The following CBL variants were observed in gnomAD, a reference collection of about 807,000 sequenced individuals.
CBL encodes the protein E3 ubiquitin-protein ligase CBL.
A neutral mutation model predicts 96.9 loss-of-function variants in CBL; 45 were observed. The observed-to-expected ratio is 0.46, with a 90% confidence interval of 0.37 to 0.60. The LOEUF is 0.60. CBL is among the 20% of genes least tolerant of loss of function. The pLI, the probability that CBL is intolerant of heterozygous loss-of-function variation, is 0.00. For missense variants in CBL, 1,024 were observed against 1,143.5 expected (o/e 0.90, Z 1.51); for synonymous variants, 420 against 426.8 (o/e 0.98, Z 0.20).
rs1449608053 is a variant in CBL at position 119,300,717 on chromosome 11, A to G, written c.*936A>G. The G allele has an allele frequency of 6.3e-5, 25 of 396,696 alleles. No individual in the cohort carries two copies. Among genetic ancestry groups the G allele is most frequent in the Non-Finnish European group, 1.3e-5 (3 of 225,214 alleles). The allele number at this position is 396,696 out of a possible 1,614,324, so 24.6% of individuals were successfully genotyped here. ...AATACATTCCATGCCCTCCCCAGAA[A>G]ATAGTCTGTGGGAGTCAGTTGCCTT... is the stretch of plus-strand genomic sequence containing the variant. On this transcript the variant is annotated 3_prime_UTR_variant, in exon 16 of 16. Coordinates refer to ENST00000264033, the MANE Select transcript of CBL (RefSeq NM_005188.4).
At chr11:119,254,636 C>T (rs1017960081) in intron 2 of CBL, among the ~76,000 whole-genome samples, 1 of 151,854 alleles carries the variant, frequency 6.6e-6, no homozygotes, top group Non-Finnish European at 1.5e-5. Context: ...GAGTCTCGTC[C>T]TGTCGCCCAG....
chr11:119,275,946 A>G, intron 5 of CBL, 51 bp from the exon 6 acceptor site: 1 of 1,572,670 alleles, frequency 6.4e-7, no homozygotes, highest in Non-Finnish European at 8.8e-7. Flanking sequence ...CTTGCCTTCC[A>G]CCGTAATACC....
rs1233936885 is a variant in CBL at position 119,306,255 on chromosome 11, A to G, written c.*6474A>G. 4 of 398,500 alleles carry G rather than the reference A, an allele frequency of 1.0e-5. No homozygotes were observed. Among genetic ancestry groups the G allele is most frequent in the Admixed American group, 4.4e-5 (1 of 22,708 alleles). 24.7% of individuals were successfully genotyped at this position (398,500 alleles called of 1,614,324 possible). A position where few individuals can be genotyped will look rare whatever the true frequency, so the allele number is the denominator to read the frequency against. On this transcript the variant is annotated 3_prime_UTR_variant, in exon 16 of 16. Coordinates refer to ENST00000264033, the MANE Select transcript of CBL (RefSeq NM_005188.4). ...CCTTCCTGGGTACAGAGCTTGAGAA[A>G]AATGCAGCCGACCACTCCCTGTGTT... is the stretch of plus-strand genomic sequence containing the variant.
Position 119,289,640 on chromosome 11 carries a change from C to G in CBL, c.2036+1694C>G, listed in dbSNP as rs370194651. 3.3e-5 allele frequency: 5 copies of G among 151,532 alleles called. No individual in the cohort carries two copies. In the South Asian group the frequency reaches 6.2e-4, roughly 19 times the overall value. 9.4% of individuals were successfully genotyped at this position (151,532 alleles called of 1,614,324 possible). A position where few individuals can be genotyped will look rare whatever the true frequency, so the allele number is the denominator to read the frequency against. ...ATAATCATGGTAATCATCTCTGTAT[C>G]GTTCCAGTTGTAGTGTATGAGCTGC... On this transcript the variant is annotated intron_variant, in intron 12 of 15. Transcript: ENST00000264033.
intron 2 of CBL, among the ~76,000 whole-genome samples, chr11:119,243,614 A>G (rs1024881106): frequency 1.3e-5 from 2 of 152,092 alleles, no homozygotes; most frequent in African/African-American, 4.8e-5. Context: ...TTTTGTAGAA[A>G]GTATTTTAAA....
chr11:119,231,699 ACT>A (rs1949502867), intron 1 of CBL, among the ~76,000 whole-genome samples: 1 of 151,946 alleles, frequency 6.6e-6, no homozygotes, highest in Non-Finnish European at 1.5e-5. Context: ...GAAGAGTGAA[ACT>A]CTGTCTCAAA....
intron 1 of CBL, among the ~76,000 whole-genome samples, chr11:119,223,412 GTTATGTTATGTTA>G (rs994957317): frequency 6.7e-6 from 1 of 149,676 alleles, no homozygotes; most frequent in African/African-American, 2.4e-5. Context: ...ATTATGTTAT[GTTATGTTATGTTA>G]TTATGTTATG....
rs570993027 is a variant in CBL at position 119,279,483 on chromosome 11, G to GC, written c.1431+778dup. On this transcript the variant is annotated intron_variant, in intron 9 of 15. Coordinates refer to ENST00000264033, the MANE Select transcript of CBL (RefSeq NM_005188.4). ...GTATCTTTACCACCACTGCCCCCAT[G>GC]CCCCCCCCTAAAAAAAAAAATAGCT... is the stretch of plus-strand genomic sequence containing the variant. Among the ~76,000 whole-genome samples, 575 of 125,898 alleles carry GC rather than the reference G, an allele frequency of 4.6e-3. 1 individual carries two copies. Among genetic ancestry groups the GC allele is most frequent in the Non-Finnish European group, 7.0e-3 (443 of 63,078 alleles). 82.6% of individuals were successfully genotyped at this position (125,898 alleles called of 152,430 possible).
Position 119,278,686 on chromosome 11 carries a change from C to G in CBL, c.1404C>G (p.Phe468Leu). Residue 468 changes from phenylalanine to leucine, a missense_variant, in exon 9 of 16, where the codon TTC becomes TTG. Phe to Leu is a conservative substitution (Grantham distance 22, BLOSUM62 0). Around this residue, in one of 4 missense-constraint regions of CBL, gnomAD observed 695 missense variants for 661.6 expected, o/e 1.05. Transcript: ENST00000264033. ...ATGAACGAGCTGATGATACTCTCTT[C>G]ATGATGAAGGAATTGGCTGGTGCCA... is the stretch of plus-strand genomic sequence containing the variant. ...DDDERADDTL[F>L]MMKELAGAKV... 1 of 1,614,054 alleles carries G rather than the reference C, an allele frequency of 6.2e-7. No individual in the cohort carries two copies. The highest frequency in any genetic ancestry group is 8.5e-7 in the Non-Finnish European group (1 of 1,180,008).
chr11:119,230,828 A>C (rs1412813553), intron 1 of CBL, among the ~76,000 whole-genome samples: 1 of 152,238 alleles, frequency 6.6e-6, no homozygotes, highest in Non-Finnish European at 1.5e-5. Flanking sequence ...AATAGAAAGC[A>C]CAAACAAGTT....
chr11:119,259,868 A>G (rs983826918), intron 2 of CBL, among the ~76,000 whole-genome samples: 10 of 152,224 alleles, frequency 6.6e-5, no homozygotes, highest in African/African-American at 2.4e-4. Flanking sequence ...TGTAGGAGAA[A>G]CCTGTAATAT....
At chr11:119,280,417 A>G (rs1037691881) in intron 9 of CBL, among the ~76,000 whole-genome samples, 1 of 152,222 alleles carries the variant, frequency 6.6e-6, no homozygotes. Flanking sequence ...GAGTGAAAAT[A>G]TTTAACTTTT....
At position 119,285,272 on chromosome 11, in the gene CBL, C is replaced by A. The variant is rs369030902; in HGVS notation, c.1647C>A (p.Asp549Glu). The A allele has an allele frequency of 1.0e-4, 161 of 1,614,200 alleles. No homozygotes were observed. The highest frequency in any genetic ancestry group is 9.3e-4 in the South Asian group (85 of 91,084). ...ATCTTCCACCACCACCGCCTCCAGA[C>A]CGGCCATATTCTGTTGGAGCAGAAT... ...LRDLPPPPPPDRPYSVGAESR... is the reference protein window; with the variant it reads ...LRDLPPPPPPERPYSVGAESR... The change falls in exon 11 of 16, where the codon GAC becomes GAA. Residue 549 changes from aspartate to glutamate, a missense_variant. This residue lies in a region of CBL where 695 missense variants were observed against 661.6 expected (regional missense o/e 1.05). Coordinates refer to ENST00000264033, the MANE Select transcript of CBL (RefSeq NM_005188.4).
chr11:119,242,537 CAAAAA>C (rs71048052), intron 2 of CBL, among the ~76,000 whole-genome samples: 2 of 76,374 alleles, frequency 2.6e-5, no homozygotes, highest in Non-Finnish European at 4.9e-5. Flanking sequence ...GACTCCATCT[CAAAAA>C]AAAAAAAAAA....
chr11:119,225,513 C>G (rs1177486798), intron 1 of CBL, among the ~76,000 whole-genome samples: 2 of 152,018 alleles, frequency 1.3e-5, no homozygotes, highest in Non-Finnish European at 2.9e-5. Context: ...ATCTTTTCAC[C>G]TCAGCATCCC....
At position 119,285,033 on chromosome 11, in the gene CBL, G is replaced by T; in HGVS notation, c.1496G>T (p.Arg499Leu). The T allele has an allele frequency of 6.2e-7, 1 of 1,614,096 alleles. No homozygotes were observed. Among genetic ancestry groups the T allele is most frequent in the East Asian group, 2.2e-5 (1 of 44,884 alleles). The change falls in exon 10 of 16, where the codon CGA becomes CTA. Residue 499 changes from arginine (R) to leucine (L), a missense_variant. By Grantham distance (102) the Arg-to-Leu change is moderately radical. Coordinates refer to ENST00000264033, the MANE Select transcript of CBL (RefSeq NM_005188.4). ...GCTTCCCTTCCCCCGGTGCCACCACGACTTGACCTTCTGCCGCAGCGAGTA... is the reference window on the plus strand; with the variant it reads ...GCTTCCCTTCCCCCGGTGCCACCACTACTTGACCTTCTGCCGCAGCGAGTA... ...PQASLPPVPP[R>L]LDLLPQRVCV...
intron 8 of CBL, 34 bp downstream of exon 8, chr11:119,278,331 G>A (rs772582765): frequency 6.2e-7 from 1 of 1,612,638 alleles, no homozygotes; most frequent in Non-Finnish European, 8.5e-7. Flanking sequence ...TTTCAGCTAT[G>A]TAATAACCTT....
At chr11:119,284,070 A>G (rs1189686293) in intron 9 of CBL, among the ~76,000 whole-genome samples, 1 of 152,108 alleles carries the variant, frequency 6.6e-6, no homozygotes, top group Non-Finnish European at 1.5e-5. Context: ...GGATCTCACT[A>G]TGTTGACAAG....
At chr11:119,247,206 T>G (rs1949638074) in intron 2 of CBL, among the ~76,000 whole-genome samples, 1 of 152,172 alleles carries the variant, frequency 6.6e-6, no homozygotes. Context: ...ATACCGTACA[T>G]GAAAACACAG....
Sources: allele counts gnomAD v4.1 joint callset (sites outside exome capture counted in the v4.1 genomes callset), GRCh38; gene constraint gnomAD v4.1.1; regional missense constraint gnomAD v4.1.1; transcripts MANE v1.5; gene names NCBI Gene and HGNC (gene_info 2026-07-23, HGNC 2026-07-21).